Variants in BEND7 observed in about 807,000 individuals in gnomAD.
BEND7 encodes BEN domain-containing protein 7.
A neutral mutation model predicts 50.9 loss-of-function variants in BEND7; 28 were observed. The ratio of observed to expected loss-of-function variants is 0.55; its 90% CI spans 0.41 to 0.75. The LOEUF is 0.75. BEND7 is among the 30% of genes least tolerant of loss of function. The pLI is 0.00. For missense variants in BEND7, 477 were observed against 491.3 expected, an observed-to-expected ratio of 0.97 and a Z score of 0.28; for synonymous variants, 170 against 183.9, an observed-to-expected ratio of 0.92 and a Z score of 0.61.
chr10:13,486,521 AT>A (rs1488953962), intron 5 of BEND7, among the ~76,000 whole-genome samples: 4 of 152,246 alleles, frequency 2.6e-5, no homozygotes, highest in Non-Finnish European at 1.5e-5. Flanking sequence ...GTCAAGGCTC[AT>A]AGTGGAAGGT....
downstream of BEND7, among the ~76,000 whole-genome samples, chr10:13,440,856 C>A (rs1268855619): frequency 1.3e-5 from 2 of 152,174 alleles, no homozygotes; most frequent in Admixed American, 1.3e-4. Flanking sequence ...TTCTGTGGGA[C>A]TTGCTGTAGC....
At chr10:13,448,929 C>T (rs982589787) in intron 7 of BEND7, among the ~76,000 whole-genome samples, 20 of 148,390 alleles carry the variant, frequency 1.3e-4, no homozygotes, top group African/African-American at 5.0e-4. Flanking sequence ...GCCGAGATCG[C>T]GCCACTGCAC....
intron 5 of BEND7, among the ~76,000 whole-genome samples, chr10:13,487,363 G>A (rs1442192535): frequency 1.3e-5 from 2 of 150,024 alleles, no homozygotes; most frequent in Admixed American, 1.3e-4. Context: ...GGCATACATG[G>A]CCTCAATTTC....
In BEND7 at chr10:13,441,437, C is replaced by CG; in HGVS notation, c.*305dup. On this transcript the variant is annotated 3_prime_UTR_variant, in exon 9 of 9. Transcript: ENST00000466271. ...GATACGTATTTCCAGTGTGTAGATC[C>CG]GTTCATCGCACACATCTTTGGGTTG... The CG allele has an allele frequency of 9.5e-7, 1 of 1,050,048 alleles. No individual in the cohort carries two copies. Among genetic ancestry groups the CG allele is most frequent in the Non-Finnish European group, 1.1e-6 (1 of 885,848 alleles). The allele number at this position is 1,050,048 out of a possible 1,614,324, so 65.0% of individuals were successfully genotyped here.
intron 2 of BEND7, among the ~76,000 whole-genome samples, chr10:13,509,268 A>G (rs1406185026): frequency 6.6e-6 from 1 of 152,220 alleles, no homozygotes; most frequent in Non-Finnish European, 1.5e-5. Flanking sequence ...GAATGCAAGT[A>G]CTGTCCTATA....
intron 2 of BEND7, among the ~76,000 whole-genome samples, chr10:13,523,884 G>A (rs550231572): frequency 3.9e-5 from 6 of 152,248 alleles, no homozygotes; most frequent in African/African-American, 1.4e-4. Context: ...ACTACATGAT[G>A]ACCCAAGAAT....
chr10:13,523,640 T>C (rs2079231673), intron 2 of BEND7, among the ~76,000 whole-genome samples: 1 of 152,248 alleles, frequency 6.6e-6, no homozygotes, highest in Admixed American at 6.5e-5. Flanking sequence ...TAATTCTACA[T>C]CTTTATGGAC....
chr10:13,482,041 T>C (rs1029320773), intron 5 of BEND7, among the ~76,000 whole-genome samples: 6 of 152,250 alleles, frequency 3.9e-5, no homozygotes, highest in Non-Finnish European at 7.3e-5. Context: ...TTCCTGCCCA[T>C]GGAGGTGGCT....
chr10:13,457,759 T>C (rs535951670), intron 6 of BEND7, among the ~76,000 whole-genome samples: 1 of 152,328 alleles, frequency 6.6e-6, no homozygotes, highest in East Asian at 1.9e-4. Flanking sequence ...CCTGAATCTA[T>C]AGCTAAAGGT....
At chr10:13,518,113 T>A (rs2078825264) in intron 2 of BEND7, among the ~76,000 whole-genome samples, 1 of 152,204 alleles carries the variant, frequency 6.6e-6, no homozygotes, top group Non-Finnish European at 1.5e-5. Flanking sequence ...CTTCATGAAT[T>A]TATTATTTTT....
At chr10:13,520,377 G>A (rs537942315) in intron 2 of BEND7, among the ~76,000 whole-genome samples, 1 of 152,192 alleles carries the variant, frequency 6.6e-6, no homozygotes, top group East Asian at 1.9e-4. Context: ...GCACCTGGAA[G>A]TCCTGGTTTA....
At chr10:13,492,937 T>A in intron 4 of BEND7, 61 bp from the exon 5 acceptor site, 1 of 1,549,346 alleles carries the variant, frequency 6.5e-7, no homozygotes, top group Non-Finnish European at 8.7e-7. Flanking sequence ...AAAACTTATC[T>A]CCGGTCTATC....
chr10:13,497,062 G>A, intron 3 of BEND7, 174 bp from the exon 4 acceptor site: 1 of 775,234 alleles, frequency 1.3e-6, no homozygotes, highest in Admixed American at 3.4e-5. Context: ...ACCTAAATCT[G>A]GGGGTCTGAC....
chr10:13,473,565 G>A (rs201128208), intron 6 of BEND7, among the ~76,000 whole-genome samples: 1 of 63,358 alleles, frequency 1.6e-5, no homozygotes, highest in East Asian at 7.4e-4. Context: ...TCACTGTTAG[G>A]GCCAATATTG....
upstream of BEND7, among the ~76,000 whole-genome samples, chr10:13,529,430 AC>A (rs1451870555): frequency 6.6e-6 from 1 of 152,130 alleles, no homozygotes; most frequent in Non-Finnish European, 1.5e-5. Context: ...GAAAAAACTT[AC>A]CCATTTGCGC....
intron 6 of BEND7, among the ~76,000 whole-genome samples, chr10:13,459,176 T>G (rs896951006): frequency 6.6e-6 from 1 of 152,150 alleles, no homozygotes; most frequent in Non-Finnish European, 1.5e-5. Context: ...TTGAGGATGC[T>G]GGGTGTTACT....
chr10:13,519,526 A>G (rs937126862), intron 2 of BEND7, among the ~76,000 whole-genome samples: 1 of 152,120 alleles, frequency 6.6e-6, no homozygotes, highest in Admixed American at 6.5e-5. Context: ...AATCTGGGAG[A>G]AGGAGAGAGA....
chr10:13,458,298 G>C (rs1839475638), intron 6 of BEND7, among the ~76,000 whole-genome samples: 1 of 152,230 alleles, frequency 6.6e-6, no homozygotes, highest in East Asian at 1.9e-4. Context: ...CGCGTGGCGT[G>C]TCTGACATGC....
chr10:13,485,028 T>C (rs886818619), intron 5 of BEND7, among the ~76,000 whole-genome samples: 1 of 152,174 alleles, frequency 6.6e-6, no homozygotes, highest in African/African-American at 2.4e-5. Context: ...TGCTTAGAAG[T>C]AGCTGGGGTT....
Sources: gnomAD v4.1 joint callset for allele counts (sites outside exome capture counted in the v4.1 genomes callset) on GRCh38, gnomAD v4.1.1 for gene constraint, MANE v1.5 for transcripts, NCBI Gene and HGNC (gene_info 2026-07-23, HGNC 2026-07-21) for gene names.